UBE2G1: variants seen among roughly 807,000 people sequenced by gnomAD.
The protein encoded by UBE2G1 is ubiquitin conjugating enzyme E2 G1.
UBE2G1 carries 5 observed loss-of-function variants against 22.7 expected under a neutral mutation model. The observed-to-expected ratio is 0.22, with a 90% CI of 0.12 to 0.46. UBE2G1 has a LOEUF of 0.46. Among genes scored for constraint, UBE2G1 ranks in the 20% least tolerant of loss-of-function variants. The pLI is 0.99. For synonymous variants in UBE2G1, 74 were observed against 67.5 expected, an observed-to-expected ratio of 1.10 and a Z score of -0.47; for missense variants, 88 against 203.9, an observed-to-expected ratio of 0.43 and a Z score of 3.46.
At chr17:4,308,482 G>A (rs535779564) in intron 1 of UBE2G1, among the ~76,000 whole-genome samples, 3 of 152,232 alleles carry the variant, frequency 2.0e-5, no homozygotes, top group Non-Finnish European at 2.9e-5. Context: ...CCAAGATCAC[G>A]CCATTGCACT....
chr17:4,281,400 G>A lies in UBE2G1; in HGVS notation c.*37+1398C>T, dbSNP rs909507896. Among the ~76,000 whole-genome samples, 11 of 152,214 alleles carry A rather than the reference G, an allele frequency of 7.2e-5. No homozygotes were observed. In the South Asian group the frequency reaches 2.1e-3, roughly 29 times the overall value. On this transcript the variant is annotated intron_variant, in intron 5 of 5. Coordinates refer to ENST00000396981, the MANE Select transcript of UBE2G1 (RefSeq NM_003342.5). ...ATAGTAAACCCAGAGTTAGGAATAT[G>A]AGAAAGGGACAGAAGAAAGCAGCGG...
intron 1 of UBE2G1, among the ~76,000 whole-genome samples, chr17:4,326,931 G>A (rs1384640992): frequency 6.6e-6 from 1 of 152,232 alleles, no homozygotes; most frequent in African/African-American, 2.4e-5. Flanking sequence ...GGAGGCCAAG[G>A]TGGGCAGATC....
intron 1 of UBE2G1, among the ~76,000 whole-genome samples, chr17:4,333,334 G>GA (rs1156453024): frequency 6.6e-6 from 1 of 152,018 alleles, no homozygotes; most frequent in Admixed American, 6.6e-5. Flanking sequence ...AAGAAGAGAA[G>GA]AAAAAAACTT....
chr17:4,363,936 G>GT (rs1369496082), intron 1 of UBE2G1, among the ~76,000 whole-genome samples: 1 of 100,008 alleles, frequency 1.0e-5, no homozygotes, highest in South Asian at 4.1e-4. Context: ...GGGCAACAGA[G>GT]TAAGACTCCG....
At chr17:4,293,570 A>G (rs545568332) in intron 3 of UBE2G1, among the ~76,000 whole-genome samples, 3 of 152,276 alleles carry the variant, frequency 2.0e-5, no homozygotes, top group African/African-American at 7.2e-5. Context: ...TATGGTAACT[A>G]TGCTTAACCT....
intron 1 of UBE2G1, among the ~76,000 whole-genome samples, chr17:4,336,355 G>C (rs1036569811): frequency 2.6e-5 from 4 of 152,012 alleles, no homozygotes; most frequent in Admixed American, 1.3e-4. Flanking sequence ...AAAGTAAAAG[G>C]TTAGATAAAA....
chr17:4,285,414 TATA>T (rs1465710770), intron 4 of UBE2G1, among the ~76,000 whole-genome samples: 6 of 152,146 alleles, frequency 3.9e-5, no homozygotes, highest in Non-Finnish European at 8.8e-5. Context: ...ATTTTCTCCC[TATA>T]ATATTAGAAA....
At position 4,318,755 on chromosome 17, in the gene UBE2G1, C is replaced by T. The variant is rs182317202; in HGVS notation, c.47-11632G>A. On this transcript the variant is annotated intron_variant, in intron 1 of 5. Transcript: ENST00000396981. ...GTCCTTTTACCTTCCCCACATTATA[C>T]GGGGCAAAAAAGTGATTCTCAGGCT... Among the ~76,000 whole-genome samples, 303 of 152,192 alleles carry T rather than the reference C, an allele frequency of 2.0e-3. 3 individuals are homozygous for T. Among genetic ancestry groups the T allele is most frequent in the African/African-American group, 6.7e-3 (280 of 41,510 alleles).
chr17:4,276,506 G>C lies in UBE2G1; in HGVS notation c.*38-3990C>G, dbSNP rs536618687. Among the ~76,000 whole-genome samples the C allele has an allele frequency of 2.0e-5, 3 of 152,104 alleles. No individual in the cohort carries two copies. In the South Asian group the frequency reaches 6.2e-4, roughly 32 times the overall value. On this transcript the variant is annotated intron_variant, in intron 5 of 5. Transcript: ENST00000396981. ...TTTAACCTTACTTTGTTTTATGCTT[G>C]GTCTACCTGGCTAGGCAAACAGTCT...
At chr17:4,295,298 T>C (rs1042327689) in intron 3 of UBE2G1, among the ~76,000 whole-genome samples, 2 of 152,180 alleles carry the variant, frequency 1.3e-5, no homozygotes, top group African/African-American at 4.8e-5. Flanking sequence ...TTAGAGATAT[T>C]TTCCTCTTCT....
At chr17:4,321,964 T>C (rs1387852390) in intron 1 of UBE2G1, among the ~76,000 whole-genome samples, 4 of 152,228 alleles carry the variant, frequency 2.6e-5, no homozygotes, top group Non-Finnish European at 4.4e-5. Context: ...TATATTTTGA[T>C]TGGACTAAGT....
intron 2 of UBE2G1, among the ~76,000 whole-genome samples, chr17:4,300,832 CA>C (rs1411987400): frequency 6.6e-6 from 1 of 151,308 alleles, no homozygotes; most frequent in Non-Finnish European, 1.5e-5. Flanking sequence ...GGCATGGTGA[CA>C]GGTGCCCATA....
chr17:4,318,818 A>G (rs1969405184), intron 1 of UBE2G1, among the ~76,000 whole-genome samples: 2 of 152,232 alleles, frequency 1.3e-5, no homozygotes, highest in Non-Finnish European at 2.9e-5. Context: ...GAAGGAAGCA[A>G]GCACAGTCAT....
At chr17:4,358,562 C>T (rs1219089719) in intron 1 of UBE2G1, among the ~76,000 whole-genome samples, 3 of 152,052 alleles carry the variant, frequency 2.0e-5, no homozygotes, top group South Asian at 2.1e-4. Flanking sequence ...GTCTTTGCAT[C>T]CTCTTAACAG....
In UBE2G1 at chr17:4,278,014, G is replaced by T. The variant is rs747908427; in HGVS notation, c.*37+4784C>A. Among the ~76,000 whole-genome samples the T allele has an allele frequency of 4.0e-5, 6 of 151,782 alleles. No homozygotes were observed. In the South Asian group the frequency reaches 1.2e-3, roughly 32 times the overall value. ...TCCGGGATTCAAGTGATTCTCCTGCGTCAGCCTCCCAAGTAGCTGGAATTA... is the reference window on the plus strand; with the variant it reads ...TCCGGGATTCAAGTGATTCTCCTGCTTCAGCCTCCCAAGTAGCTGGAATTA... On this transcript the variant is annotated intron_variant, in intron 5 of 5. Coordinates refer to ENST00000396981, the MANE Select transcript of UBE2G1 (RefSeq NM_003342.5).
chr17:4,293,953 G>A lies in UBE2G1; in HGVS notation c.247+2764C>T, dbSNP rs183201590. On this transcript the variant is annotated intron_variant, in intron 3 of 5. Transcript: ENST00000396981. Reference sequence around the variant, plus strand: ...GACTTCCCCTTCCAATCTTCTATGAGTGTAATCTTTCAAGAAGGAAAATAT... The same window carrying A: ...GACTTCCCCTTCCAATCTTCTATGAATGTAATCTTTCAAGAAGGAAAATAT... Among the ~76,000 whole-genome samples, 43 of 152,206 alleles carry A rather than the reference G, an allele frequency of 2.8e-4. No individual in the cohort carries two copies. In the East Asian group the frequency reaches 8.3e-3, roughly 29 times the overall value.
At chr17:4,282,962 C>T in intron 4 of UBE2G1, 41 bp from the exon 5 acceptor site, 1 of 1,468,730 alleles carries the variant, frequency 6.8e-7, no homozygotes, top group East Asian at 2.3e-5. Flanking sequence ...TTCATGCAAA[C>T]TCCCCTTTAT....
chr17:4,280,171 G>A (rs901815544), intron 5 of UBE2G1, among the ~76,000 whole-genome samples: 6 of 150,304 alleles, frequency 4.0e-5, no homozygotes, highest in Admixed American at 3.3e-4. Context: ...GAGTAGCTAG[G>A]ATTACAGGTG....
chr17:4,300,693 G>A (rs912396922), intron 2 of UBE2G1, among the ~76,000 whole-genome samples: 5 of 151,846 alleles, frequency 3.3e-5, no homozygotes, highest in African/African-American at 4.8e-5. Flanking sequence ...GGCCGGGCAC[G>A]GTGGCTCACA....
Sources: gnomAD v4.1 joint callset for allele counts (sites outside exome capture counted in the v4.1 genomes callset) on GRCh38, gnomAD v4.1.1 for gene constraint, MANE v1.5 for transcripts, NCBI Gene and HGNC (gene_info 2026-07-23, HGNC 2026-07-21) for gene names.